Variants in POLR3C observed in about 807,000 individuals in gnomAD.
POLR3C encodes RNA polymerase III subunit C.
POLR3C carries 44 observed loss-of-function variants against 65.9 expected under a neutral mutation model. That is an observed-to-expected ratio of 0.67 (90% CI 0.52 to 0.86). The LOEUF (loss-of-function observed/expected upper bound fraction) is 0.86, where lower values mean the gene tolerates loss of function less well. Among genes scored for constraint, POLR3C ranks in the 40% least tolerant of loss-of-function variants. POLR3C has a pLI of 0.00. For synonymous variants in POLR3C, 263 were observed against 231.6 expected, an observed-to-expected ratio of 1.14 and a Z score of -1.23; for missense variants, 576 against 653.2, an observed-to-expected ratio of 0.88 and a Z score of 1.29.
chr1:145,825,603 G>T (rs80218802), intron 1 of POLR3C, among the ~76,000 whole-genome samples, 154 bp from the exon 2 acceptor site: 3,642 of 152,218 alleles, frequency 0.024, 167 homozygotes, highest in African/African-American at 0.083. Context: ...TATCCAAAAA[G>T]AAATTGTTGT....
chr1:145,838,079 T>C lies in POLR3C; in HGVS notation c.1094T>C (p.Ile365Thr), dbSNP rs1239164788. ...AGATTTGGGTCTCGCTGTGCTAGAA[T>C]ATTCCGTCTAGTTTTGCAGAAGAAA... is the stretch of plus-strand genomic sequence containing the variant. ...QERFGSRCAR[I>T]FRLVLQKKHI... is the part of the protein sequence containing the mutation. Residue 365 changes from isoleucine (I) to threonine (T), a missense_variant, in exon 11 of 15, where the codon ATA (isoleucine) becomes ACA (threonine). Ile to Thr is a moderately conservative substitution (Grantham distance 89). Coordinates refer to ENST00000334163, the MANE Select transcript of POLR3C (RefSeq NM_006468.8). The C allele has an allele frequency of 6.2e-7, 1 of 1,614,056 alleles. No individual in the cohort carries two copies. The highest frequency in any genetic ancestry group is 1.3e-5 in the African/African-American group (1 of 74,954).
intron 7 of POLR3C, among the ~76,000 whole-genome samples, chr1:145,834,584 A>G (rs2101647019): frequency 6.6e-6 from 1 of 151,988 alleles, no homozygotes; most frequent in East Asian, 1.9e-4. Flanking sequence ...CTGAGGCAGG[A>G]GAATTGCTTG....
intron 7 of POLR3C, among the ~76,000 whole-genome samples, chr1:145,835,500 A>G (rs1651740287): frequency 1.3e-5 from 2 of 151,952 alleles, no homozygotes; most frequent in Non-Finnish European, 2.9e-5. Flanking sequence ...ATACTCTAAC[A>G]TATATGTGGG....
At chr1:145,829,097 C>T (rs1443847610) in intron 5 of POLR3C, among the ~76,000 whole-genome samples, 4 of 152,106 alleles carry the variant, frequency 2.6e-5, no homozygotes, top group African/African-American at 7.2e-5. Flanking sequence ...CTCAATATGG[C>T]GAGAACCTAA....
rs782069079 is a variant in POLR3C at position 145,825,942 on chromosome 1, C to T, written c.147+19C>T. 6.4e-7 allele frequency: 1 copy of T among 1,562,128 alleles called. No homozygotes were observed. Among genetic ancestry groups the T allele is most frequent in the East Asian group, 2.2e-5 (1 of 44,446 alleles). On this transcript the variant is annotated intron_variant, in intron 2 of 14. Transcript: ENST00000334163. ...GGATCAGGTATGTCTAAATGACATT[C>T]ATTTTCTCTCATTTCTTTCACTAAT...
intron 5 of POLR3C, among the ~76,000 whole-genome samples, chr1:145,829,666 T>A (rs1399619893): frequency 6.6e-6 from 1 of 152,212 alleles, no homozygotes; most frequent in Non-Finnish European, 1.5e-5. Flanking sequence ...GAGACAGGGC[T>A]CTTCAACCTC....
chr1:145,835,593 G>A (rs1362735951), intron 7 of POLR3C, among the ~76,000 whole-genome samples: 3 of 151,716 alleles, frequency 2.0e-5, no homozygotes, highest in Admixed American at 1.3e-4. Context: ...GTTTTTTTGT[G>A]ACAGAGTCTT....
In POLR3C at chr1:145,833,225, C is replaced by T. The variant is rs782126603; in HGVS notation, c.679-35C>T. Reference sequence around the variant, plus strand: ...AAGCTCCTCACCAGAAAACTTTACACTATAGCTAAATGTTTCTCTAAATCT... The same window carrying T: ...AAGCTCCTCACCAGAAAACTTTACATTATAGCTAAATGTTTCTCTAAATCT... On this transcript the variant is annotated intron_variant, in intron 5 of 14. Coordinates refer to ENST00000334163, the MANE Select transcript of POLR3C (RefSeq NM_006468.8). 3.1e-6 allele frequency: 4 copies of T among 1,301,398 alleles called. No individual in the cohort carries two copies. The South Asian group carries it at 3.8e-5, about 12-fold the overall frequency. The allele number at this position is 1,301,398 out of a possible 1,614,324, so 80.6% of individuals were successfully genotyped here.
chr1:145,834,334 G>C (rs1651603167), intron 7 of POLR3C, among the ~76,000 whole-genome samples: 1 of 152,072 alleles, frequency 6.6e-6, no homozygotes, highest in Non-Finnish European at 1.5e-5. Context: ...TAATGTGAAT[G>C]TGATGGTCTA....
chr1:145,829,153 A>G (rs901359703), intron 5 of POLR3C, among the ~76,000 whole-genome samples: 1 of 152,210 alleles, frequency 6.6e-6, no homozygotes, highest in Admixed American at 6.5e-5. Context: ...AAAACTATAC[A>G]TAGGCCTGAA....
Position 145,825,357 on chromosome 1 carries a change from C to T in POLR3C, c.-20-400C>T, listed in dbSNP as rs1424174618. Reference sequence around the variant, plus strand: ...CAAACTCCTGACCTCATGATACGCCCACCTCGGTCTCCCAAAGTGCTAGGA... The same window carrying T: ...CAAACTCCTGACCTCATGATACGCCTACCTCGGTCTCCCAAAGTGCTAGGA... On this transcript the variant is annotated intron_variant, in intron 1 of 14. Coordinates refer to ENST00000334163, the MANE Select transcript of POLR3C (RefSeq NM_006468.8). Among the ~76,000 whole-genome samples the T allele has an allele frequency of 2.0e-5, 3 of 152,252 alleles. No individual in the cohort carries two copies. The East Asian group carries it at 5.8e-4, about 29-fold the overall frequency.
chr1:145,839,671 C>T (rs1652134164), intron 11 of POLR3C: 2 of 450,654 alleles, frequency 4.4e-6, no homozygotes, highest in Non-Finnish European at 7.9e-6. Context: ...GTGGAAGTTG[C>T]AGTGAGCTGA....
intron 7 of POLR3C, among the ~76,000 whole-genome samples, chr1:145,834,124 G>A (rs1475664482): frequency 5.3e-5 from 8 of 152,146 alleles, no homozygotes; most frequent in African/African-American, 1.9e-4. Context: ...CTGTAAACCT[G>A]TACAGCATGT....
chr1:145,827,952 A>G (rs1400068112), intron 4 of POLR3C, among the ~76,000 whole-genome samples: 3 of 151,984 alleles, frequency 2.0e-5, no homozygotes, highest in Non-Finnish European at 4.4e-5. Flanking sequence ...AAAAGAAAAT[A>G]TATAACGAGA....
At position 145,844,038 on chromosome 1, in the gene POLR3C, AAGG is replaced by A. The variant is rs1553731442; in HGVS notation, c.*1621_*1623del. ...ATGAATGCTAGTGAGGATGTGGAAA[AAGG>A]AGAGCCCTGCCTGGTACACTGTTGG... On this transcript the variant is annotated 3_prime_UTR_variant, in exon 15 of 15. Coordinates refer to ENST00000334163, the MANE Select transcript of POLR3C (RefSeq NM_006468.8). Among the ~76,000 whole-genome samples the A allele has an allele frequency of 1.3e-5, 2 of 152,176 alleles. No individual in the cohort carries two copies. Among genetic ancestry groups the A allele is most frequent in the Non-Finnish European group, 2.9e-5 (2 of 68,030 alleles).
At chr1:145,833,631 A>T in intron 7 of POLR3C, 49 bp downstream of exon 7, 1 of 1,209,214 alleles carries the variant, frequency 8.3e-7, no homozygotes, top group Non-Finnish European at 1.2e-6. Context: ...CTTGGGTGTT[A>T]TCAACGTTTA....
intron 5 of POLR3C, among the ~76,000 whole-genome samples, chr1:145,830,546 T>C (rs782678546): frequency 1.5e-4 from 23 of 152,148 alleles, no homozygotes; most frequent in Non-Finnish European, 3.1e-4. Flanking sequence ...ACACCTGTAA[T>C]CCCAGCACTT....
chr1:145,836,905 GA>G (rs1651899150), intron 9 of POLR3C, 39 bp downstream of exon 9: 1 of 1,109,644 alleles, frequency 9.0e-7, no homozygotes, highest in African/African-American at 1.6e-5. Flanking sequence ...CAGGCAGCCT[GA>G]CCTATAAATC....
intron 11 of POLR3C, among the ~76,000 whole-genome samples, chr1:145,839,219 C>T (rs1652095852): frequency 6.6e-6 from 1 of 152,174 alleles, no homozygotes; most frequent in Middle Eastern, 3.4e-3. Context: ...TGCAGTGAGC[C>T]AACATTGTGC....
Sources: allele counts gnomAD v4.1 joint callset (sites outside exome capture counted in the v4.1 genomes callset), GRCh38; gene constraint gnomAD v4.1.1; transcripts MANE v1.5; gene names NCBI Gene and HGNC (gene_info 2026-07-23, HGNC 2026-07-21).